Variants in ATRNL1 observed in about 807,000 individuals in gnomAD.
ATRNL1 encodes attractin-like protein 1.
In ATRNL1, 95 loss-of-function variants were observed where a neutral mutation model predicts 182.7. The observed-to-expected ratio is 0.52, with a 90% confidence interval of 0.44 to 0.62. The LOEUF (loss-of-function observed/expected upper bound fraction) is 0.62. Ranked by LOEUF, ATRNL1 falls within the 20% of genes least tolerant of loss-of-function variation. The probability of loss-of-function intolerance (pLI) is 0.00; values close to 1 mark genes in which losing one functional copy is unlikely to be tolerated. For synonymous variants in ATRNL1, 576 were observed against 568.3 expected, an observed-to-expected ratio of 1.01 and a Z score of -0.19; for missense variants, 1,471 against 1,679.5, an observed-to-expected ratio of 0.88 and a Z score of 2.17.
intron 25 of ATRNL1, among the ~76,000 whole-genome samples, chr10:115,533,230 C>T (rs1554988988): frequency 6.6e-6 from 1 of 151,754 alleles, no homozygotes; most frequent in East Asian, 1.9e-4. Flanking sequence ...TCCATCTGGT[C>T]CTGGACTCTT....
intron 8 of ATRNL1, among the ~76,000 whole-genome samples, chr10:115,181,995 A>G (rs1247294466): frequency 1.3e-5 from 2 of 151,670 alleles, no homozygotes; most frequent in Admixed American, 1.3e-4. Context: ...AGTTTACACT[A>G]AATCTCAGAC....
intron 26 of ATRNL1, among the ~76,000 whole-genome samples, chr10:115,616,581 G>A (rs1251644258): frequency 6.6e-6 from 1 of 152,156 alleles, no homozygotes; most frequent in Non-Finnish European, 1.5e-5. Context: ...CAAGCCCAGA[G>A]GCCTAAGAGG....
chr10:115,450,353 C>T (rs1847221728), intron 21 of ATRNL1, among the ~76,000 whole-genome samples: 1 of 152,106 alleles, frequency 6.6e-6, no homozygotes, highest in Non-Finnish European at 1.5e-5. Flanking sequence ...TCCCTCTTTC[C>T]AGAAGACATG....
chr10:115,587,979 A>G (rs72641352), intron 26 of ATRNL1, among the ~76,000 whole-genome samples: 45,368 of 151,922 alleles, frequency 0.3, 7,865 homozygotes, highest in East Asian at 0.68. Flanking sequence ...AGAAATGAAA[A>G]TCAAATTCAA....
Position 115,458,969 on chromosome 10 carries a change from A to T in ATRNL1, c.3323-2972A>T, listed in dbSNP as rs141856632. Among the ~76,000 whole-genome samples, 620 of 152,302 alleles carry T rather than the reference A, an allele frequency of 4.1e-3. 2 individuals carry two copies. Among genetic ancestry groups the T allele is most frequent in the African/African-American group, 0.013 (539 of 41,570 alleles). On this transcript the variant is annotated intron_variant, in intron 21 of 28. Coordinates refer to ENST00000355044, the MANE Select transcript of ATRNL1 (RefSeq NM_207303.4). ...TGGCAGAAGAATATGGATTGTGAAGATTTAATGGACATTTATTAGTTCCCC... is the reference window on the plus strand; with the variant it reads ...TGGCAGAAGAATATGGATTGTGAAGTTTTAATGGACATTTATTAGTTCCCC...
At chr10:115,381,369 C>A (rs182430173) in intron 19 of ATRNL1, among the ~76,000 whole-genome samples, 1,755 of 150,996 alleles carry the variant, frequency 0.012, 33 homozygotes, top group African/African-American at 0.039. Flanking sequence ...CAGGTTCAAG[C>A]AATTCTCCTG....
At chr10:115,536,924 A>G (rs1352711449) in intron 25 of ATRNL1, among the ~76,000 whole-genome samples, 4 of 152,204 alleles carry the variant, frequency 2.6e-5, no homozygotes, top group African/African-American at 7.2e-5. Context: ...TTTTTTAAAC[A>G]ATGTGTAAGG....
At chr10:115,463,051 T>C (rs1847892017) in intron 22 of ATRNL1, among the ~76,000 whole-genome samples, 1 of 151,714 alleles carries the variant, frequency 6.6e-6, no homozygotes, top group Non-Finnish European at 1.5e-5. Context: ...TATGAATTCA[T>C]CCATATTGTT....
intron 28 of ATRNL1, among the ~76,000 whole-genome samples, chr10:115,848,372 A>C (rs1291627277): frequency 6.6e-6 from 1 of 152,188 alleles, no homozygotes; most frequent in African/African-American, 2.4e-5. Flanking sequence ...AATTATAAAT[A>C]TGATTAGAAA....
At chr10:115,404,082 T>C (rs1844710700) in intron 20 of ATRNL1, among the ~76,000 whole-genome samples, 1 of 152,190 alleles carries the variant, frequency 6.6e-6, no homozygotes, top group Non-Finnish European at 1.5e-5. Context: ...CTTGAGCATA[T>C]AACTTCCTAT....
At position 115,398,938 on chromosome 10, in the gene ATRNL1, C is replaced by A. The variant is rs576126845; in HGVS notation, c.3269+4186C>A. On this transcript the variant is annotated intron_variant, in intron 20 of 28. Transcript: ENST00000355044. ...AGTGGATGTTGAATTTTATAGAAAC[C>A]CCTTTCTGCATCTATTGAGATAATC... Among the ~76,000 whole-genome samples, 168 of 151,958 alleles carry A rather than the reference C, an allele frequency of 1.1e-3. No homozygotes were observed. In the South Asian group the frequency reaches 0.022, roughly 20 times the overall value.
chr10:115,535,621 C>T (rs1050786295), intron 25 of ATRNL1, among the ~76,000 whole-genome samples: 2 of 152,226 alleles, frequency 1.3e-5, no homozygotes, highest in Non-Finnish European at 2.9e-5. Context: ...CAGAGTCATT[C>T]TCCGTCCAGC....
chr10:115,662,924 C>G (rs1860782551), intron 26 of ATRNL1, among the ~76,000 whole-genome samples: 1 of 152,066 alleles, frequency 6.6e-6, no homozygotes, highest in African/African-American at 2.4e-5. Context: ...TCCTTGACAT[C>G]TGCTGCTAAA....
At chr10:115,426,375 G>C (rs185501343) in intron 21 of ATRNL1, 73 bp downstream of exon 21, 1 of 1,086,218 alleles carries the variant, frequency 9.2e-7, no homozygotes, top group Non-Finnish European at 1.3e-6. Flanking sequence ...AGGTCATCTT[G>C]AATAACTAAA....
intron 8 of ATRNL1, among the ~76,000 whole-genome samples, chr10:115,195,756 T>G (rs1848336224): frequency 6.6e-6 from 1 of 152,090 alleles, no homozygotes; most frequent in African/African-American, 2.4e-5. Context: ...CCAGTAACTC[T>G]TTAGGATAAC....
intron 27 of ATRNL1, among the ~76,000 whole-genome samples, chr10:115,784,963 C>T (rs1389261144): frequency 1.3e-5 from 2 of 152,120 alleles, no homozygotes; most frequent in Non-Finnish European, 2.9e-5. Context: ...ATTTCATGTG[C>T]AAAATACATT....
chr10:115,139,297 G>A (rs1845657642), intron 5 of ATRNL1, among the ~76,000 whole-genome samples: 4 of 152,058 alleles, frequency 2.6e-5, no homozygotes, highest in South Asian at 2.1e-4. Context: ...ACATTTTCGG[G>A]TATCTTTTCA....
chr10:115,661,244 C>T (rs1593026770), intron 26 of ATRNL1, among the ~76,000 whole-genome samples: 1 of 152,184 alleles, frequency 6.6e-6, no homozygotes, highest in East Asian at 1.9e-4. Context: ...ATCCTACCTT[C>T]AAAAACTGTC....
intron 26 of ATRNL1, among the ~76,000 whole-genome samples, chr10:115,709,258 C>T (rs1239180738): frequency 6.6e-6 from 1 of 151,876 alleles, no homozygotes; most frequent in Non-Finnish European, 1.5e-5. Context: ...AAGCCCGAAA[C>T]ACTCACTACA....
Sources: gnomAD v4.1 joint callset for allele counts (sites outside exome capture counted in the v4.1 genomes callset) on GRCh38, gnomAD v4.1.1 for gene constraint, MANE v1.5 for transcripts, NCBI Gene and HGNC (gene_info 2026-07-23, HGNC 2026-07-21) for gene names.